USH2A: variants seen among roughly 807,000 people sequenced by gnomAD.
The protein encoded by USH2A is Usher syndrome 2A (autosomal recessive, mild).
A neutral mutation model predicts 538.9 loss-of-function variants in USH2A; 443 were observed. The observed-to-expected ratio is 0.82, with a 90% CI of 0.76 to 0.89. USH2A has a LOEUF of 0.89. Ranked by LOEUF, USH2A falls within the 40% of genes least tolerant of loss-of-function variation. USH2A has a pLI of 0.00. For synonymous variants in USH2A, 2,413 were observed against 2,273.5 expected, an observed-to-expected ratio of 1.06 and a Z score of -1.75; for missense variants, 6,633 against 6,324.8, an observed-to-expected ratio of 1.05 and a Z score of -1.65.
At chr1:216,404,732 C>A (rs1041321835) in intron 3 of USH2A, among the ~76,000 whole-genome samples, 4 of 150,644 alleles carry the variant, frequency 2.7e-5, no homozygotes, top group African/African-American at 9.8e-5. Context: ...GGTGATCTTC[C>A]TTCCTCAGCT....
At chr1:215,989,615 T>C (rs1362166615) in intron 35 of USH2A, among the ~76,000 whole-genome samples, 4 of 152,050 alleles carry the variant, frequency 2.6e-5, no homozygotes, top group African/African-American at 9.7e-5. Context: ...TGAGCAATAT[T>C]AATGGCCTTC....
intron 21 of USH2A, among the ~76,000 whole-genome samples, chr1:216,122,542 G>T (rs761563842): frequency 2.6e-4 from 39 of 152,148 alleles, no homozygotes; most frequent in Non-Finnish European, 5.3e-4. Flanking sequence ...CTGGTTTTAG[G>T]ATACTAGGCA....
At chr1:216,359,730 G>A (rs2038454923) in intron 4 of USH2A, among the ~76,000 whole-genome samples, 1 of 152,032 alleles carries the variant, frequency 6.6e-6, no homozygotes, top group South Asian at 2.1e-4. Context: ...CCTGATATGT[G>A]CAAATGATAG....
intron 51 of USH2A, 46 bp from the exon 52 acceptor site, chr1:215,786,920 T>A (rs774269002): frequency 6.3e-7 from 1 of 1,590,604 alleles, no homozygotes; most frequent in East Asian, 2.2e-5. Flanking sequence ...ATTTAAAAAT[T>A]TCATTTAGAC....
At chr1:215,630,482 GTATATATATATATA>G (rs1158726890) in intron 70 of USH2A, among the ~76,000 whole-genome samples, 52 of 22,554 alleles carry the variant, frequency 2.3e-3, no homozygotes, top group Middle Eastern at 0.031. Context: ...ATGTGTGTGT[GTATATATATATATA>G]TATATATATA....
At chr1:215,945,539 AT>A (rs1285398954) in intron 37 of USH2A, among the ~76,000 whole-genome samples, 5 of 152,168 alleles carry the variant, frequency 3.3e-5, no homozygotes, top group African/African-American at 1.2e-4. Context: ...GAATAAAGTT[AT>A]TTTAAAACAT....
intron 3 of USH2A, among the ~76,000 whole-genome samples, chr1:216,391,192 T>G (rs1343635574): frequency 1.3e-5 from 2 of 152,214 alleles, no homozygotes; most frequent in African/African-American, 2.4e-5. Context: ...AAAATTGCTT[T>G]GGTCTTATTG....
intron 47 of USH2A, among the ~76,000 whole-genome samples, chr1:215,818,896 A>T (rs750442220): frequency 1.3e-5 from 2 of 151,830 alleles, no homozygotes; most frequent in Non-Finnish European, 2.9e-5. Flanking sequence ...TTTGAACATG[A>T]CATATTCTTG....
At chr1:215,644,698 C>T (rs558462368) in intron 67 of USH2A, among the ~76,000 whole-genome samples, 1 of 152,212 alleles carries the variant, frequency 6.6e-6, no homozygotes, top group Non-Finnish European at 1.5e-5. Context: ...GAGAAACATG[C>T]CTTCTGGATA....
chr1:215,635,594 C>T (rs1009056596), intron 69 of USH2A, among the ~76,000 whole-genome samples: 4 of 148,448 alleles, frequency 2.7e-5, no homozygotes, highest in African/African-American at 9.9e-5. Context: ...CTTGCTCTGT[C>T]ACCCAGGTTG....
At position 216,073,249 on chromosome 1, in the gene USH2A, T is replaced by C. The variant is rs141609561; in HGVS notation, c.5624A>G (p.Asn1875Ser). The change falls in exon 28 of 72, where the codon AAC (asparagine) becomes AGC (serine). Residue 1875 changes from asparagine (N) to serine (S), a missense_variant. Asn to Ser is a conservative substitution (Grantham distance 46). Transcript: ENST00000307340. ...AGCACCGCTGGACACAGATGCCAAG[T>C]TAACGACAGCACCCCGTGTAAATTT... is the stretch of plus-strand genomic sequence containing the variant. ...DVKFTRGAVV[N>S]LASVSSGAVR... The C allele has an allele frequency of 2.3e-4, 372 of 1,613,832 alleles. No homozygotes were observed. The African/African-American group carries it at 3.3e-3, about 14-fold the overall frequency.
At chr1:215,824,532 A>C (rs556565559) in intron 47 of USH2A, among the ~76,000 whole-genome samples, 2 of 152,114 alleles carry the variant, frequency 1.3e-5, no homozygotes, top group African/African-American at 4.8e-5. Flanking sequence ...ATTGGTGCCC[A>C]GGAAACCTGT....
At chr1:216,004,544 C>T (rs1047724788) in intron 32 of USH2A, among the ~76,000 whole-genome samples, 2 of 152,044 alleles carry the variant, frequency 1.3e-5, no homozygotes, top group Non-Finnish European at 2.9e-5. Flanking sequence ...CTTGTCAGCA[C>T]TAAAGCCTGA....
chr1:216,207,518 T>C (rs1346096157), intron 15 of USH2A, 87 bp from the exon 16 acceptor site: 20 of 1,527,912 alleles, frequency 1.3e-5, no homozygotes, highest in Non-Finnish European at 1.8e-5. Flanking sequence ...CAAAGAGGTC[T>C]TTCTGATTCA....
Position 215,647,511 on chromosome 1 carries a change from C to T in USH2A, c.14791+11G>A. On this transcript the variant is annotated intron_variant, in intron 67 of 71. Transcript: ENST00000307340. ...TCTCTCTGGCTTATGGTAGCAGCCA[C>T]TTATACTCACATTCTTTTTGGGTGG... 6.2e-7 allele frequency: 1 copy of T among 1,613,542 alleles called. No individual in the cohort carries two copies. The highest frequency in any genetic ancestry group is 8.5e-7 in the Non-Finnish European group (1 of 1,179,914).
At chr1:216,395,459 T>A (rs982651186) in intron 3 of USH2A, among the ~76,000 whole-genome samples, 1 of 152,206 alleles carries the variant, frequency 6.6e-6, no homozygotes, top group Non-Finnish European at 1.5e-5. Flanking sequence ...ATTTTAGAAT[T>A]TCATTTTTTG....
chr1:216,067,307 C>A (rs2031409094), intron 30 of USH2A, among the ~76,000 whole-genome samples: 1 of 151,694 alleles, frequency 6.6e-6, no homozygotes. Context: ...AGGAGAAATA[C>A]CTAATGTAGA....
chr1:216,317,026 T>C (rs775019048), intron 9 of USH2A, among the ~76,000 whole-genome samples: 10 of 152,284 alleles, frequency 6.6e-5, no homozygotes, highest in East Asian at 3.9e-4. Context: ...TCCCCTTCTA[T>C]AGGTTGTCTG....
At chr1:216,003,983 A>C (rs1207921157) in intron 32 of USH2A, among the ~76,000 whole-genome samples, 1 of 152,222 alleles carries the variant, frequency 6.6e-6, no homozygotes, top group Non-Finnish European at 1.5e-5. Context: ...CAAAGCTAAC[A>C]GGATTTCCCA....
Sources: allele counts gnomAD v4.1 joint callset (sites outside exome capture counted in the v4.1 genomes callset), GRCh38; gene constraint gnomAD v4.1.1; transcripts MANE v1.5; gene names NCBI Gene and HGNC (gene_info 2026-07-23, HGNC 2026-07-21).